Variants in SMARCC1 observed in about 807,000 individuals in gnomAD.
The protein encoded by SMARCC1 is SWI/SNF complex subunit SMARCC1.
In SMARCC1, 43 loss-of-function variants were observed where a neutral mutation model predicts 147.4. That is an observed-to-expected ratio of 0.29 (90% CI 0.23 to 0.38). SMARCC1 has a LOEUF of 0.38. Among genes scored for constraint, SMARCC1 ranks in the 10% least tolerant of loss-of-function variants. The pLI, the probability that SMARCC1 is intolerant of heterozygous loss-of-function variation, is 1.00. For synonymous variants in SMARCC1, 495 were observed against 484.4 expected (o/e 1.02, Z -0.29); for missense variants, 1,119 against 1,381.1 (o/e 0.81, Z 3.01).
At chr3:47,767,878 C>CG in intron 2 of SMARCC1, among the ~76,000 whole-genome samples, 1 of 145,468 alleles carries the variant, frequency 6.9e-6, no homozygotes, top group South Asian at 2.2e-4. Context: ...ACAGTGAACT[C>CG]TTTTTTTTTT....
chr3:47,606,630 A>G (rs916786338), intron 26 of SMARCC1, among the ~76,000 whole-genome samples: 2 of 152,216 alleles, frequency 1.3e-5, no homozygotes, highest in African/African-American at 4.8e-5. Context: ...TCAAGAGCCA[A>G]ATACCAAGTA....
intron 9 of SMARCC1, 30 bp downstream of exon 9, chr3:47,710,653 A>T: frequency 1.2e-6 from 2 of 1,608,478 alleles, no homozygotes; most frequent in Non-Finnish European, 8.5e-7. Context: ...AGACAGACTT[A>T]ATGATGAGAA....
chr3:47,640,164 TAAAGG>T (rs2033029747), intron 21 of SMARCC1, among the ~76,000 whole-genome samples: 1 of 151,464 alleles, frequency 6.6e-6, no homozygotes, highest in East Asian at 1.9e-4. Context: ...AGAAAAGAAA[TAAAGG>T]CTCAAAGTAT....
intron 2 of SMARCC1, among the ~76,000 whole-genome samples, chr3:47,762,291 C>T (rs1219382697): frequency 6.6e-6 from 1 of 152,182 alleles, no homozygotes; most frequent in Admixed American, 6.6e-5. Context: ...CTGTAAGCCC[C>T]TTCTTATTAA....
At chr3:47,698,803 A>T (rs2033884845) in intron 11 of SMARCC1, among the ~76,000 whole-genome samples, 1 of 145,508 alleles carries the variant, frequency 6.9e-6, no homozygotes, top group Non-Finnish European at 1.5e-5. Context: ...AATACTTACT[A>T]AAAAAAAAAA....
intron 2 of SMARCC1, among the ~76,000 whole-genome samples, chr3:47,752,120 T>G (rs2034637017): frequency 6.6e-6 from 1 of 152,090 alleles, no homozygotes; most frequent in Admixed American, 6.6e-5. Flanking sequence ...TCTACAGATG[T>G]GGCAGAATAA....
chr3:47,607,646 G>T (rs148492348), intron 26 of SMARCC1, among the ~76,000 whole-genome samples: 1 of 152,200 alleles, frequency 6.6e-6, no homozygotes, highest in African/African-American at 2.4e-5. Context: ...GATGCTGGCA[G>T]TTAAGCTTGA....
At chr3:47,671,172 T>TCAAAAAAAAAAA (rs1339273716) in intron 18 of SMARCC1, among the ~76,000 whole-genome samples, 1 of 1,036 alleles carries the variant, frequency 9.7e-4, no homozygotes, top group African/African-American at 2.6e-3. Flanking sequence ...CGAGACTATC[T>TCAAAAAAAAAAA]CAAAAAAAAA....
intron 21 of SMARCC1, among the ~76,000 whole-genome samples, chr3:47,639,251 C>G (rs1024720894): frequency 1.3e-5 from 2 of 152,094 alleles, no homozygotes; most frequent in African/African-American, 4.8e-5. Context: ...ACACTATGAC[C>G]CAGATATTCA....
In SMARCC1 at chr3:47,697,924, T is replaced by C. The variant is rs1300140344; in HGVS notation, c.1165+3354A>G. ...TCAGGAGGCTGAGGCAGGAGAACGG[T>C]GTGAACCTGGGAGGTAAAGCGTGCA... On this transcript the variant is annotated intron_variant, in intron 11 of 27. Transcript: ENST00000254480. Among the ~76,000 whole-genome samples the C allele has an allele frequency of 3.8e-5, 5 of 133,306 alleles. No homozygotes were observed. In the Admixed American group the frequency reaches 3.8e-4, roughly 10 times the overall value. 87.5% of individuals were successfully genotyped at this position (133,306 alleles called of 152,430 possible).
chr3:47,615,728 G>C (rs984427751), intron 25 of SMARCC1, among the ~76,000 whole-genome samples: 2 of 152,006 alleles, frequency 1.3e-5, no homozygotes, highest in African/African-American at 4.8e-5. Flanking sequence ...TTATTGCCCA[G>C]CCTAGAGTGC....
intron 21 of SMARCC1, among the ~76,000 whole-genome samples, chr3:47,649,335 G>A (rs1320924984): frequency 2.0e-5 from 3 of 152,348 alleles, no homozygotes; most frequent in East Asian, 1.9e-4. Context: ...CATCTGAGGC[G>A]AGAATTCTAA....
chr3:47,732,431 T>C (rs542954315), intron 5 of SMARCC1, among the ~76,000 whole-genome samples: 1 of 152,210 alleles, frequency 6.6e-6, no homozygotes, highest in Admixed American at 6.5e-5. Context: ...TCAAAAACTT[T>C]TCCTTTGCAC....
At chr3:47,760,052 G>A (rs1180986541) in intron 2 of SMARCC1, among the ~76,000 whole-genome samples, 3 of 152,100 alleles carry the variant, frequency 2.0e-5, no homozygotes, top group Non-Finnish European at 2.9e-5. Flanking sequence ...GGTGGCTCAC[G>A]CCTGAAATCC....
At chr3:47,654,193 T>C (rs2033228703) in intron 21 of SMARCC1, among the ~76,000 whole-genome samples, 1 of 152,180 alleles carries the variant, frequency 6.6e-6, no homozygotes. Flanking sequence ...GCCAATGTTT[T>C]TTCAACTCCA....
intron 21 of SMARCC1, among the ~76,000 whole-genome samples, chr3:47,660,340 G>C (rs1275269525): frequency 6.6e-6 from 1 of 151,450 alleles, no homozygotes; most frequent in African/African-American, 2.4e-5. Flanking sequence ...CAGCTACTCG[G>C]GAGGCTGAAG....
At chr3:47,702,693 A>G (rs1019217568) in intron 10 of SMARCC1, among the ~76,000 whole-genome samples, 1 of 152,216 alleles carries the variant, frequency 6.6e-6, no homozygotes, top group African/African-American at 2.4e-5. Context: ...TGAACTCCTC[A>G]GCTCAAGTGA....
intron 10 of SMARCC1, among the ~76,000 whole-genome samples, chr3:47,702,230 C>CAAAAAAA (rs200524652): frequency 7.6e-6 from 1 of 131,142 alleles, no homozygotes; most frequent in Non-Finnish European, 1.6e-5. Flanking sequence ...TCAGGGGGCT[C>CAAAAAAA]AAAAAAAAAA....
intron 7 of SMARCC1, among the ~76,000 whole-genome samples, 169 bp from the exon 8 acceptor site, chr3:47,714,659 T>C (rs1299723042): frequency 6.6e-6 from 1 of 151,994 alleles, no homozygotes; most frequent in African/African-American, 2.4e-5. Flanking sequence ...CCGGGCATGG[T>C]GGGATGTGAT....
Sources: gnomAD v4.1 joint callset for allele counts (sites outside exome capture counted in the v4.1 genomes callset) on GRCh38, gnomAD v4.1.1 for gene constraint, MANE v1.5 for transcripts, NCBI Gene and HGNC (gene_info 2026-07-23, HGNC 2026-07-21) for gene names.